Variants in DLD observed in about 807,000 individuals in gnomAD.
DLD encodes dihydrolipoamide dehydrogenase.
In DLD, 36 loss-of-function variants were observed where a neutral mutation model predicts 62.2. That is an observed-to-expected ratio of 0.58 (90% confidence interval 0.44 to 0.76). The LOEUF is 0.76. DLD is among the 30% of genes least tolerant of loss of function. The pLI is 0.00. For missense variants in DLD, 541 were observed against 608.6 expected (o/e 0.89, Z 1.17); for synonymous variants, 204 against 199.6 (o/e 1.02, Z -0.19).
chr7:107,919,463 A>G lies in DLD; in HGVS notation c.*204A>G, dbSNP rs565970753. 39 of 502,060 alleles carry G rather than the reference A, an allele frequency of 7.8e-5. 1 individual carries two copies. In the South Asian group the frequency reaches 9.1e-4, roughly 12 times the overall value. The allele number at this position is 502,060 out of a possible 1,614,324, so 31.1% of individuals were successfully genotyped here. A position where few individuals can be genotyped will look rare whatever the true frequency, so the allele number is the denominator to read the frequency against. ...ATTTAGTATTTTGTTTCAGTGCACT[A>G]ATGTGTAAGACAAAAAGCTACTTAT... is the stretch of plus-strand genomic sequence containing the variant. On this transcript the variant is annotated 3_prime_UTR_variant, in exon 14 of 14. Coordinates refer to ENST00000205402, the MANE Select transcript of DLD (RefSeq NM_000108.5).
chr7:107,894,136 A>G (rs1241266927), intron 2 of DLD, among the ~76,000 whole-genome samples: 1 of 152,140 alleles, frequency 6.6e-6, no homozygotes, highest in African/African-American at 2.4e-5. Context: ...TTATTTTTTT[A>G]AGTATTTAAA....
At chr7:107,893,903 A>G (rs2031653527) in intron 2 of DLD, among the ~76,000 whole-genome samples, 1 of 152,238 alleles carries the variant, frequency 6.6e-6, no homozygotes, top group Non-Finnish European at 1.5e-5. Context: ...ATATGTTTAC[A>G]TTTAAAAAGT....
intron 2 of DLD, among the ~76,000 whole-genome samples, chr7:107,896,208 A>G (rs561882014): frequency 7.2e-5 from 11 of 152,338 alleles, no homozygotes; most frequent in African/African-American, 2.6e-4. Context: ...AGAGAGAATA[A>G]CATCTGAGTT....
intron 12 of DLD, 58 bp downstream of exon 12, chr7:107,918,119 AT>A: frequency 6.2e-7 from 1 of 1,603,692 alleles, no homozygotes; most frequent in Non-Finnish European, 8.5e-7. Flanking sequence ...ATTGCTGTTT[AT>A]TAATTATAAA....
intron 5 of DLD, 103 bp from the exon 6 acceptor site, chr7:107,904,855 T>A: frequency 1.3e-6 from 1 of 799,464 alleles, no homozygotes; most frequent in Non-Finnish European, 2.1e-6. Context: ...AATACTGCCT[T>A]TTATAAGCAT....
chr7:107,911,719 TTGCTA>T (rs1392545372), intron 8 of DLD, among the ~76,000 whole-genome samples: 1 of 152,092 alleles, frequency 6.6e-6, no homozygotes, highest in Non-Finnish European at 1.5e-5. Flanking sequence ...ATTTTTTAAA[TTGCTA>T]TGTAATAGAT....
chr7:107,896,867 G>C (rs546615979), intron 2 of DLD, among the ~76,000 whole-genome samples: 1 of 149,976 alleles, frequency 6.7e-6, no homozygotes, highest in East Asian at 1.9e-4. Flanking sequence ...ACAAAGTCTC[G>C]CTCTTGTCCC....
At chr7:107,898,237 T>C in intron 2 of DLD, among the ~76,000 whole-genome samples, 1 of 148,980 alleles carries the variant, frequency 6.7e-6, no homozygotes, top group East Asian at 2.0e-4. Context: ...TTGCCTTAAA[T>C]AAATGTATTT....
At chr7:107,908,386 T>C (rs573868649) in intron 8 of DLD, among the ~76,000 whole-genome samples, 34 of 151,972 alleles carry the variant, frequency 2.2e-4, no homozygotes, top group Non-Finnish European at 4.1e-4. Flanking sequence ...CCTGACCTTG[T>C]GATGCGCATG....
intron 7 of DLD, chr7:107,905,901 T>C (rs1460131037): frequency 2.5e-5 from 8 of 319,226 alleles, no homozygotes; most frequent in Non-Finnish European, 1.2e-5. Flanking sequence ...CCTTGGAGGA[T>C]TGGTTCCAGG....
At chr7:107,898,635 G>C (rs148629243) in intron 2 of DLD, among the ~76,000 whole-genome samples, 2 of 149,794 alleles carry the variant, frequency 1.3e-5, no homozygotes, top group Admixed American at 6.7e-5. Flanking sequence ...CTGTCGCCCA[G>C]GCTGGAGTGC....
chr7:107,895,308 A>G (rs2031693055), intron 2 of DLD, among the ~76,000 whole-genome samples: 1 of 152,226 alleles, frequency 6.6e-6, no homozygotes, highest in Non-Finnish European at 1.5e-5. Flanking sequence ...TTACATGAGT[A>G]TTGATTGACT....
At chr7:107,903,433 C>T (rs1169652848) in intron 4 of DLD, 45 bp from the exon 5 acceptor site, 1 of 1,173,116 alleles carries the variant, frequency 8.5e-7, no homozygotes, top group Non-Finnish European at 1.3e-6. Flanking sequence ...TATTTGAAGT[C>T]TGTTTATGAA....
In DLD at chr7:107,902,521, G is replaced by C. The variant is rs905787322; in HGVS notation, c.267+128G>C. 6.0e-6 allele frequency: 5 copies of C among 828,026 alleles called. No individual in the cohort carries two copies. In the East Asian group the frequency reaches 7.9e-5, roughly 13 times the overall value. The allele number at this position is 828,026 out of a possible 1,614,324, so 51.3% of individuals were successfully genotyped here. A position where few individuals can be genotyped will look rare whatever the true frequency, so the allele number is the denominator to read the frequency against. ...TCCAAGTTGTGGCACATTTCACACA[G>C]AGAAAAAAAAGAATGATAAAAAACA... On this transcript the variant is annotated intron_variant, in intron 4 of 13. Coordinates refer to ENST00000205402, the MANE Select transcript of DLD (RefSeq NM_000108.5).
rs1030645592 is a variant in DLD at position 107,920,863 on chromosome 7, T to C, written c.*1604T>C. The C allele has an allele frequency of 3.9e-5, 6 of 152,324 alleles. No individual in the cohort carries two copies. The highest frequency in any genetic ancestry group is 4.1e-4 in the South Asian group (2 of 4,834). The allele number at this position is 152,324 out of a possible 1,614,324, so 9.4% of individuals were successfully genotyped here. A position where few individuals can be genotyped will look rare whatever the true frequency, so the allele number is the denominator to read the frequency against. ...TAGTTGTTTCCAGTGCCTTTAGTTT[T>C]TTCTAAAATATATTTGTTCAGAGTT... is the stretch of plus-strand genomic sequence containing the variant. On this transcript the variant is annotated 3_prime_UTR_variant, in exon 14 of 14. Coordinates refer to ENST00000205402, the MANE Select transcript of DLD (RefSeq NM_000108.5).
chr7:107,912,026 TC>T (rs1266096691), intron 8 of DLD, among the ~76,000 whole-genome samples: 3 of 151,672 alleles, frequency 2.0e-5, no homozygotes, highest in Admixed American at 6.6e-5. Flanking sequence ...GCTCTCTATC[TC>T]CATGAGTTCA....
At position 107,905,062 on chromosome 7, in the gene DLD, A is replaced by G; in HGVS notation, c.438+4A>G. ...CCACTTATTCAAACAGAATAAGGTC[A>G]GTGTTTAATATTCAGATTTCTGCTT... On this transcript the variant is annotated splice_donor_region_variant and intron_variant, in intron 6 of 13. Transcript: ENST00000205402. 1 of 1,578,164 alleles carries G rather than the reference A, an allele frequency of 6.3e-7. No individual in the cohort carries two copies. The highest frequency in any genetic ancestry group is 2.2e-5 in the East Asian group (1 of 44,546).
intron 8 of DLD, among the ~76,000 whole-genome samples, chr7:107,914,870 GA>G (rs2032228891): frequency 6.6e-6 from 1 of 152,166 alleles, no homozygotes. Flanking sequence ...TAATTTGAAT[GA>G]AAAAGTAAAC....
At chr7:107,896,262 A>T (rs2031721169) in intron 2 of DLD, among the ~76,000 whole-genome samples, 1 of 152,172 alleles carries the variant, frequency 6.6e-6, no homozygotes, top group Non-Finnish European at 1.5e-5. Flanking sequence ...AAAATGGAGG[A>T]TGTGAATGAG....
Sources: gnomAD v4.1 joint callset for allele counts (sites outside exome capture counted in the v4.1 genomes callset) on GRCh38, gnomAD v4.1.1 for gene constraint, MANE v1.5 for transcripts, NCBI Gene and HGNC (gene_info 2026-07-23, HGNC 2026-07-21) for gene names.